Variants in CARD9 observed in about 807,000 individuals in gnomAD.
CARD9 encodes the protein caspase recruitment domain-containing protein 9.
Under a neutral mutation model 66.0 loss-of-function variants are expected in CARD9, and 53 were observed. That is an observed-to-expected ratio of 0.80 (90% CI 0.64 to 1.01). The LOEUF (loss-of-function observed/expected upper bound fraction) is 1.01. CARD9 is among the 50% of genes least tolerant of loss of function. The pLI, the probability that CARD9 is intolerant of heterozygous loss-of-function variation, is 0.00. For synonymous variants in CARD9, 387 were observed against 313.8 expected (o/e 1.23, Z -2.47); for missense variants, 769 against 743.2 (o/e 1.03, Z -0.40).
At chr9:136,367,018 G>A (rs932815342) in intron 9 of CARD9, among the ~76,000 whole-genome samples, 173 bp from the exon 10 acceptor site, 2 of 152,230 alleles carry the variant, frequency 1.3e-5, no homozygotes, top group Non-Finnish European at 2.9e-5. Context: ...GCGGCCAGGA[G>A]GTGGGCACTG....
intron 7 of CARD9, among the ~76,000 whole-genome samples, chr9:136,369,345 AGATAGGT>A (rs1203201394): frequency 2.6e-5 from 4 of 152,380 alleles, no homozygotes; most frequent in Non-Finnish European, 5.9e-5. Context: ...ATAAATAGAT[AGATAGGT>A]GATAGATGAT....
In CARD9 at chr9:136,365,201, C is replaced by T; in HGVS notation, c.1374G>A (p.Gly458=). 2 of 1,609,644 alleles carry T rather than the reference C, an allele frequency of 1.2e-6. No individual in the cohort carries two copies. The highest frequency in any genetic ancestry group is 1.7e-6 in the Non-Finnish European group (2 of 1,179,856). The change falls in exon 11 of 13, where the codon GGG becomes GGA. Residue 458 remains glycine (G), a synonymous_variant. Coordinates refer to ENST00000371732, the MANE Select transcript of CARD9 (RefSeq NM_052813.5). ...QLSDKGCLAG[G]GSPKQPFAAL... ...CTGCAAAGGGCTGTTTCGGGCTCCC[C>T]CCGCCGGCAAGGCAGCCTGGAAAGG...
chr9:136,370,205 C>A (rs923281302), intron 6 of CARD9, 89 bp downstream of exon 6: 2 of 1,539,326 alleles, frequency 1.3e-6, no homozygotes, highest in Non-Finnish European at 8.7e-7. Flanking sequence ...GTCTCCACAC[C>A]CCACCTTCCA....
intron 11 of CARD9, 25 bp from the exon 12 acceptor site, chr9:136,364,584 TCCGG>T (rs1189083930): frequency 2.6e-6 from 4 of 1,532,612 alleles, no homozygotes; most frequent in Non-Finnish European, 3.5e-6. Flanking sequence ...AGGCTCGGGC[TCCGG>T]CCGGCTCCCC....
chr9:136,372,682 T>C (rs905806625), intron 1 of CARD9, among the ~76,000 whole-genome samples: 8 of 152,188 alleles, frequency 5.3e-5, no homozygotes, highest in Admixed American at 4.6e-4. Flanking sequence ...GGCTGTGCCC[T>C]CCCTCCTCCA....
Position 136,365,204 on chromosome 9 carries a change from G to T in CARD9, c.1371C>A (p.Gly457=), listed in dbSNP as rs751319751. Residue 457 remains glycine, a synonymous_variant, in exon 11 of 13, where the codon GGC becomes GGA. Coordinates refer to ENST00000371732, the MANE Select transcript of CARD9 (RefSeq NM_052813.5). ...CAAAGGGCTGTTTCGGGCTCCCCCC[G>T]CCGGCAAGGCAGCCTGGAAAGGAGA... ...TQLSDKGCLA[G]GGSPKQPFAA... 6.2e-7 allele frequency: 1 copy of T among 1,609,212 alleles called. No homozygotes were observed. The highest frequency in any genetic ancestry group is 2.2e-5 in the East Asian group (1 of 44,838).
chr9:136,369,989 G>A, intron 6 of CARD9, 114 bp from the exon 7 acceptor site: 3 of 1,551,044 alleles, frequency 1.9e-6, no homozygotes, highest in Non-Finnish European at 2.6e-6. Context: ...GGGATGTCGG[G>A]GGAGGCCATA....
Position 136,364,382 on chromosome 9 carries a change from T to G in CARD9, c.1531A>C (p.Met511Leu). 1.3e-6 allele frequency: 2 copies of G among 1,562,524 alleles called. No individual in the cohort carries two copies. Among genetic ancestry groups the G allele is most frequent in the Non-Finnish European group, 1.7e-6 (2 of 1,155,872 alleles). ...TCCCCCTGCCGCCATCCTTTCTGCA[T>G]CTTCCTGAGGGCGCGCTTCCTGTGA... Reference protein sequence around the residue: ...NYRRKRALRKMQKGWRQGEED... With the variant: ...NYRRKRALRKLQKGWRQGEED... The change falls in exon 13 of 13, where the codon ATG (methionine) becomes CTG (leucine). Residue 511 changes from methionine (M) to leucine (L), a missense_variant. Physicochemically the swap from Met to Leu is conservative, Grantham distance 15. Transcript: ENST00000371732.
chr9:136,371,528 C>G (rs1833273667), intron 2 of CARD9, 67 bp from the exon 3 acceptor site: 6 of 690,086 alleles, frequency 8.7e-6, no homozygotes, highest in South Asian at 3.1e-5. Flanking sequence ...GTGGGTGGGC[C>G]TGGGGGCAGG....
Position 136,367,646 on chromosome 9 carries a change from CGTCTCCAGCTGCT to C in CARD9, c.1247_1259del (p.Gln416ArgfsTer4). The C allele has an allele frequency of 1.9e-6, 3 of 1,587,398 alleles. No homozygotes were observed. The highest frequency in any genetic ancestry group is 2.6e-6 in the Non-Finnish European group (3 of 1,173,152). On this transcript the variant is annotated frameshift_variant, in exon 8 of 13. Coordinates refer to ENST00000371732, the MANE Select transcript of CARD9 (RefSeq NM_052813.5). LOFTEE classifies it high-confidence loss of function. ...CAGGCCCCAGGCCCACCAGGACGAG[CGTCTCCAGCTGCT>C]GCCGCCTGAGCCTGCCCTCCACGGC...
chr9:136,365,445 C>G (rs539742460), intron 10 of CARD9: 28 of 578,204 alleles, frequency 4.8e-5, no homozygotes, highest in African/African-American at 1.9e-4. Context: ...CCAGGCCCAA[C>G]GCTCCCGCCA....
intron 10 of CARD9, chr9:136,366,493 C>T: frequency 2.0e-6 from 1 of 490,496 alleles, no homozygotes; most frequent in Non-Finnish European, 3.7e-6. Context: ...CCCAGAGGGG[C>T]CCCACACTCT....
intron 6 of CARD9, 106 bp downstream of exon 6, chr9:136,370,188 C>T (rs1833223959): frequency 3.3e-6 from 5 of 1,514,366 alleles, no homozygotes; most frequent in Non-Finnish European, 4.4e-6. Context: ...GGAGGCGCTG[C>T]ACTGGGGTCT....
rs1833057453 is a variant in CARD9, at chr9:136,364,255, AG to A, written c.*46del. The stretch of plus-strand genomic sequence containing the variant: ...GGCGTCGGCACCCCCGGGTGGCAGG[AG>A]GCCGGGCCGGTGGGTGTGCCCTGGT... On this transcript the variant is annotated 3_prime_UTR_variant, in exon 13 of 13. Transcript: ENST00000371732. 3.2e-6 allele frequency: 5 copies of A among 1,550,316 alleles called. No homozygotes were observed. Among genetic ancestry groups the A allele is most frequent in the Non-Finnish European group, 4.4e-6 (5 of 1,146,614 alleles).
At position 136,372,113 on chromosome 9, in the gene CARD9, T is replaced by C. The variant is rs754176539; in HGVS notation, c.-16-19A>G. 11 of 1,611,038 alleles carry C rather than the reference T, an allele frequency of 6.8e-6. No individual in the cohort carries two copies. The African/African-American group carries it at 1.3e-4, about 20-fold the overall frequency. Reference sequence around the variant, plus strand: ...AGGCAGGCTGGGGAGTGTGGGGCAGTGCTGAGAGCGATGCCGGCTCCTGCC... The same window carrying C: ...AGGCAGGCTGGGGAGTGTGGGGCAGCGCTGAGAGCGATGCCGGCTCCTGCC... On this transcript the variant is annotated intron_variant, in intron 1 of 12. Transcript: ENST00000371732.
chr9:136,368,766 G>A (rs1833186953), intron 7 of CARD9, among the ~76,000 whole-genome samples: 1 of 152,170 alleles, frequency 6.6e-6, no homozygotes. Flanking sequence ...GTGACTTGCT[G>A]CAGCCTCAGC....
chr9:136,367,504 G>A (rs780330253), intron 8 of CARD9, 133 bp downstream of exon 8: 161 of 1,136,940 alleles, frequency 1.4e-4, no homozygotes, highest in Admixed American at 8.5e-4. Context: ...CCCACTGCCA[G>A]GAGGGGTTTG....
At chr9:136,372,942 C>T (rs1488645523) in intron 1 of CARD9, among the ~76,000 whole-genome samples, 1 of 152,248 alleles carries the variant, frequency 6.6e-6, no homozygotes, top group Non-Finnish European at 1.5e-5. Context: ...AGGCCCGGCC[C>T]CCATCCCAGT....
chr9:136,373,257 T>C (rs1248243232), intron 1 of CARD9, among the ~76,000 whole-genome samples: 1 of 152,246 alleles, frequency 6.6e-6, no homozygotes, highest in Non-Finnish European at 1.5e-5. Context: ...AGGGACTGAA[T>C]AAAAACACTG....
Sources: gnomAD v4.1 joint callset for allele counts (sites outside exome capture counted in the v4.1 genomes callset) on GRCh38, gnomAD v4.1.1 for gene constraint, MANE v1.5 for transcripts, NCBI Gene and HGNC (gene_info 2026-07-23, HGNC 2026-07-21) for gene names.